Variants in GRM3 observed in about 807,000 individuals in gnomAD.
GRM3 encodes the protein glutamate metabotropic receptor 3.
Under a neutral mutation model 70.5 loss-of-function variants are expected in GRM3, and 26 were observed. The ratio of observed to expected loss-of-function variants is 0.37; its 90% CI spans 0.27 to 0.51. The LOEUF (loss-of-function observed/expected upper bound fraction) is 0.51, where lower values mean the gene tolerates loss of function less well. GRM3 is among the 20% of genes least tolerant of loss of function. The pLI, the probability that GRM3 is intolerant of heterozygous loss-of-function variation, is 0.93. For synonymous variants in GRM3, 443 were observed against 434.9 expected (o/e 1.02, Z -0.23); for missense variants, 859 against 1,123.8 (o/e 0.76, Z 3.37).
chr7:86,839,417 A>G lies in GRM3; in HGVS notation c.1903A>G (p.Lys635Glu). ...CTGCATGACATTCTTCTTCATTGCC[A>G]AGCCATCACCAGTCATCTGTGCATT... ...SYCMTFFFIA[K>E]PSPVICALRR... Residue 635 changes from lysine (K) to glutamate (E), a missense_variant, in exon 4 of 6, where the codon AAG becomes GAG. Physicochemically the swap from Lys to Glu is moderately conservative, Grantham distance 56. Transcript: ENST00000361669. This position sits in a 1 kb window ranked among gnomAD's most constrained non-coding sequence, Gnocchi z 4.5. 6.2e-7 allele frequency: 1 copy of G among 1,613,994 alleles called. No homozygotes were observed. Among genetic ancestry groups the G allele is most frequent in the Non-Finnish European group, 8.5e-7 (1 of 1,179,928 alleles).
At chr7:86,768,624 A>G (rs77518483) in intron 2 of GRM3, among the ~76,000 whole-genome samples, 7,073 of 152,276 alleles carry the variant, frequency 0.046, 236 homozygotes, top group African/African-American at 0.084. Flanking sequence ...TAACAGGGTG[A>G]CAGTGTAAAT....
intron 1 of GRM3, among the ~76,000 whole-genome samples, chr7:86,673,418 G>A (rs373404830): frequency 2.8e-4 from 42 of 152,020 alleles, no homozygotes; most frequent in East Asian, 1.7e-3. Context: ...CCTTCTTACC[G>A]GTGTCAGAGA....
At chr7:86,844,740 C>T (rs926766460) in intron 4 of GRM3, among the ~76,000 whole-genome samples, 1 of 152,178 alleles carries the variant, frequency 6.6e-6, no homozygotes, top group South Asian at 2.1e-4. Flanking sequence ...GGTTTTTACC[C>T]TGTTGCAATC....
intron 1 of GRM3, among the ~76,000 whole-genome samples, chr7:86,691,068 A>G (rs1165969716): frequency 6.6e-6 from 1 of 152,138 alleles, no homozygotes; most frequent in Non-Finnish European, 1.5e-5. Context: ...CTAGTTGCCC[A>G]AGCAGAAATC....
chr7:86,776,019 A>G (rs1796879515), intron 2 of GRM3: 1 of 147,524 alleles, frequency 6.8e-6, no homozygotes, highest in Non-Finnish European at 1.5e-5. Context: ...GTAGGGGTAC[A>G]TTGCTCATCC....
chr7:86,800,197 C>T (rs1378907000), intron 3 of GRM3, among the ~76,000 whole-genome samples: 2 of 152,174 alleles, frequency 1.3e-5, no homozygotes, highest in Non-Finnish European at 2.9e-5. Flanking sequence ...CTATGAGGAT[C>T]TCAAATCAAC....
chr7:86,806,687 C>T (rs1208610441), intron 3 of GRM3, among the ~76,000 whole-genome samples: 9 of 152,108 alleles, frequency 5.9e-5, no homozygotes, highest in African/African-American at 9.7e-5. Context: ...TTCTCCCATT[C>T]TGTAGGTTGC....
chr7:86,730,599 A>G (rs76376917), intron 1 of GRM3, among the ~76,000 whole-genome samples: 3,535 of 152,302 alleles, frequency 0.023, 56 homozygotes, highest in Non-Finnish European at 0.034. Context: ...CTTTTCAGAA[A>G]CATATTCCCA....
intron 1 of GRM3, among the ~76,000 whole-genome samples, chr7:86,660,673 T>C (rs1793870100): frequency 6.6e-6 from 1 of 151,954 alleles, no homozygotes; most frequent in Non-Finnish European, 1.5e-5. Context: ...TATATCTATT[T>C]TGAATATCAA....
At chr7:86,753,073 A>G (rs553458723) in intron 1 of GRM3, among the ~76,000 whole-genome samples, 2 of 152,178 alleles carry the variant, frequency 1.3e-5, no homozygotes, top group African/African-American at 2.4e-5. Context: ...TGATTCCCTC[A>G]TTGCATCATC....
At chr7:86,686,132 G>T (rs951867082) in intron 1 of GRM3, among the ~76,000 whole-genome samples, 31 of 152,032 alleles carry the variant, frequency 2.0e-4, no homozygotes, top group Non-Finnish European at 1.5e-5. Flanking sequence ...TATAAAAACT[G>T]AAATTGAAGT....
chr7:86,800,748 C>T (rs1417058869), intron 3 of GRM3, among the ~76,000 whole-genome samples: 1 of 152,108 alleles, frequency 6.6e-6, no homozygotes, highest in African/African-American at 2.4e-5. Flanking sequence ...GAAACTATTC[C>T]AAACAGTTGA....
At chr7:86,669,397 G>A (rs568021813) in intron 1 of GRM3, among the ~76,000 whole-genome samples, 4 of 152,172 alleles carry the variant, frequency 2.6e-5, no homozygotes, top group Non-Finnish European at 2.9e-5. Context: ...TATCAAGAGC[G>A]CCTCTGCTCA....
chr7:86,732,343 T>G (rs1244357554), intron 1 of GRM3, among the ~76,000 whole-genome samples: 2 of 152,106 alleles, frequency 1.3e-5, no homozygotes, highest in African/African-American at 4.8e-5. Flanking sequence ...CACATACAAG[T>G]AAGAGGCAGA....
At chr7:86,671,378 G>A (rs924568880) in intron 1 of GRM3, among the ~76,000 whole-genome samples, 16 of 152,176 alleles carry the variant, frequency 1.1e-4, no homozygotes, top group Non-Finnish European at 1.5e-5. Flanking sequence ...GTAAATAACT[G>A]TTCTGTTTCA....
intron 1 of GRM3, among the ~76,000 whole-genome samples, chr7:86,672,169 C>T (rs970672063): frequency 6.6e-6 from 1 of 152,128 alleles, no homozygotes; most frequent in Non-Finnish European, 1.5e-5. Context: ...AGTGGGAAAT[C>T]AGTTAGGCAA....
chr7:86,808,705 G>C lies in GRM3; in HGVS notation c.1324+21589G>C, dbSNP rs1167509152. On this transcript the variant is annotated intron_variant, in intron 3 of 5. Coordinates refer to ENST00000361669, the MANE Select transcript of GRM3 (RefSeq NM_000840.3). ...TCAAAAGAAACCTCACTGACAGTTT[G>C]AGCCAGAGGTCAAATGAGCAGAGAC... 3.3e-5 allele frequency among the ~76,000 whole-genome samples: 5 copies of C among 152,158 alleles called. No homozygotes were observed. The East Asian group carries it at 9.7e-4, about 29-fold the overall frequency.
At position 86,753,822 on chromosome 7, in the gene GRM3, C is replaced by T. The variant is rs183096361; in HGVS notation, c.-140-11184C>T. ...GCTGGTAAATATTTAACAATCAAAT[C>T]TTGGGAACTTATGGAGGGACTGATT... On this transcript the variant is annotated intron_variant, in intron 1 of 5. Coordinates refer to ENST00000361669, the MANE Select transcript of GRM3 (RefSeq NM_000840.3). Among the ~76,000 whole-genome samples, 8 of 152,140 alleles carry T rather than the reference C, an allele frequency of 5.3e-5. No homozygotes were observed. The East Asian group carries it at 1.5e-3, about 29-fold the overall frequency.
chr7:86,802,772 G>A (rs554307964), intron 3 of GRM3, among the ~76,000 whole-genome samples: 1 of 152,172 alleles, frequency 6.6e-6, no homozygotes, highest in South Asian at 2.1e-4. Flanking sequence ...AACCCTTCTA[G>A]GTTTCCATCC....
Sources: gnomAD v4.1 joint callset for allele counts (sites outside exome capture counted in the v4.1 genomes callset) on GRCh38, gnomAD v4.1.1 for gene constraint, Gnocchi (gnomAD v3.1) non-coding constraint, MANE v1.5 for transcripts, NCBI Gene and HGNC (gene_info 2026-07-23, HGNC 2026-07-21) for gene names.